Variants in NKAIN2 observed in about 807,000 individuals in gnomAD.
The protein encoded by NKAIN2 is sodium/potassium transporting ATPase interacting 2, also known as sodium/potassium-transporting ATPase subunit beta-1-interacting protein 2.
NKAIN2 carries 14 observed loss-of-function variants against 32.6 expected under a neutral mutation model. The ratio of observed to expected loss-of-function variants is 0.43; its 90% confidence interval spans 0.28 to 0.67. The LOEUF (loss-of-function observed/expected upper bound fraction) is 0.67. NKAIN2 is among the 30% of genes least tolerant of loss of function. The probability of loss-of-function intolerance (pLI) is 0.17; values close to 1 mark genes in which losing one functional copy is unlikely to be tolerated. For synonymous variants in NKAIN2, 80 were observed against 87.2 expected (o/e 0.92, Z 0.46); for missense variants, 198 against 258.3 (o/e 0.77, Z 1.60).
intron 3 of NKAIN2, among the ~76,000 whole-genome samples, chr6:124,638,894 A>AAAG (rs1783881146): frequency 6.7e-6 from 1 of 150,364 alleles, no homozygotes; most frequent in Non-Finnish European, 1.5e-5. Context: ...TGTCAAAAAA[A>AAAG]AAAAAAAAAA....
chr6:124,373,105 TTTGA>T (rs1394458761), intron 3 of NKAIN2, among the ~76,000 whole-genome samples: 1 of 152,162 alleles, frequency 6.6e-6, no homozygotes, highest in East Asian at 1.9e-4. Context: ...TGCTTTTGGC[TTTGA>T]TTGAGAAAGC....
intron 4 of NKAIN2, among the ~76,000 whole-genome samples, chr6:124,706,894 GGTTA>G (rs1418557116): frequency 3.3e-5 from 5 of 151,764 alleles, no homozygotes; most frequent in East Asian, 1.9e-4. Context: ...ACATTGTGCA[GGTTA>G]GTTACATATG....
intron 1 of NKAIN2, among the ~76,000 whole-genome samples, chr6:124,141,127 C>G (rs1318106053): frequency 1.3e-5 from 2 of 152,150 alleles, no homozygotes; most frequent in Non-Finnish European, 2.9e-5. Context: ...CTGGCCCTCC[C>G]CAACCATTTG....
intron 1 of NKAIN2, among the ~76,000 whole-genome samples, chr6:124,092,822 A>G (rs1453842909): frequency 1.3e-5 from 2 of 152,012 alleles, no homozygotes; most frequent in Non-Finnish European, 2.9e-5. Flanking sequence ...GAAAAACATC[A>G]CCTGAATAGG....
chr6:124,460,866 G>A (rs1776504689), intron 3 of NKAIN2, among the ~76,000 whole-genome samples: 1 of 151,010 alleles, frequency 6.6e-6, no homozygotes, highest in Non-Finnish European at 1.5e-5. Context: ...ATATTGCATT[G>A]ATTTGTGTAG....
At chr6:124,609,942 G>A (rs905779840) in intron 3 of NKAIN2, among the ~76,000 whole-genome samples, 1 of 152,004 alleles carries the variant, frequency 6.6e-6, no homozygotes, top group Admixed American at 6.6e-5. Context: ...CCTTAAAAAC[G>A]AGGTTTGATG....
At chr6:124,173,636 C>T (rs1329589170) in intron 1 of NKAIN2, among the ~76,000 whole-genome samples, 1 of 152,052 alleles carries the variant, frequency 6.6e-6, no homozygotes, top group Non-Finnish European at 1.5e-5. Context: ...TAAAATTATA[C>T]TTAAAAACTA....
intron 1 of NKAIN2, among the ~76,000 whole-genome samples, chr6:124,186,254 GAAAAA>G (rs1253018237): frequency 2.0e-5 from 3 of 151,582 alleles, no homozygotes; most frequent in African/African-American, 7.3e-5. Flanking sequence ...AGAAAGAAAA[GAAAAA>G]AGAAAAGAAA....
chr6:124,491,990 G>T (rs1777881913), intron 3 of NKAIN2, among the ~76,000 whole-genome samples: 1 of 151,876 alleles, frequency 6.6e-6, no homozygotes, highest in African/African-American at 2.4e-5. Flanking sequence ...AGTCACAGTG[G>T]CTGAAACCAT....
At chr6:124,582,096 C>T (rs1456770785) in intron 3 of NKAIN2, among the ~76,000 whole-genome samples, 54 of 149,146 alleles carry the variant, frequency 3.6e-4, no homozygotes, top group African/African-American at 1.2e-3. Flanking sequence ...TTTTTTGCGA[C>T]GATAAACAAA....
chr6:123,932,770 C>CT (rs5879707), intron 1 of NKAIN2, among the ~76,000 whole-genome samples: 104,471 of 138,660 alleles, frequency 0.75, 39,445 homozygotes, highest in East Asian at 0.91. Flanking sequence ...CGTTTGGGGA[C>CT]TTTTTTTTTT....
intron 3 of NKAIN2, among the ~76,000 whole-genome samples, chr6:124,436,395 T>C (rs1295926017): frequency 1.3e-5 from 2 of 152,194 alleles, no homozygotes; most frequent in African/African-American, 4.8e-5. Flanking sequence ...TGCTTGTTTT[T>C]CTATCATTAC....
At chr6:124,619,079 C>T (rs1783015069) in intron 3 of NKAIN2, among the ~76,000 whole-genome samples, 1 of 151,882 alleles carries the variant, frequency 6.6e-6, no homozygotes, top group South Asian at 2.1e-4. Context: ...AACATTTCCA[C>T]ATTAATCATC....
chr6:124,777,352 G>C (rs747274839), intron 4 of NKAIN2, among the ~76,000 whole-genome samples: 23 of 152,114 alleles, frequency 1.5e-4, no homozygotes, highest in Non-Finnish European at 2.8e-4. Flanking sequence ...CATGGATTCT[G>C]GAGTCAGTCA....
chr6:124,746,454 T>C (rs1777456136), intron 4 of NKAIN2, among the ~76,000 whole-genome samples: 2 of 151,938 alleles, frequency 1.3e-5, no homozygotes, highest in Admixed American at 6.6e-5. Flanking sequence ...TTGTACCATA[T>C]TGATATAGAA....
chr6:123,972,020 A>G (rs1161804402), intron 1 of NKAIN2, among the ~76,000 whole-genome samples: 4 of 152,116 alleles, frequency 2.6e-5, no homozygotes, highest in Non-Finnish European at 2.9e-5. Flanking sequence ...CCCTTCCCCA[A>G]CCATTCAACA....
chr6:124,786,670 G>A (rs1167783249), intron 4 of NKAIN2, among the ~76,000 whole-genome samples: 1 of 151,822 alleles, frequency 6.6e-6, no homozygotes, highest in Non-Finnish European at 1.5e-5. Flanking sequence ...TTAGATACAT[G>A]AAGGTGAAAA....
intron 1 of NKAIN2, among the ~76,000 whole-genome samples, chr6:124,112,770 T>C (rs991442144): frequency 6.6e-6 from 1 of 152,002 alleles, no homozygotes; most frequent in South Asian, 2.1e-4. Flanking sequence ...TTTTTTTCTC[T>C]TTTTACTCCT....
intron 3 of NKAIN2, among the ~76,000 whole-genome samples, chr6:124,361,860 G>C (rs10484737): frequency 0.21 from 31,369 of 151,990 alleles, 3,320 homozygotes; most frequent in Middle Eastern, 0.29. Context: ...TTCCAACAAT[G>C]TCAGTTTTAT....
Sources: gnomAD v4.1 joint callset for allele counts (sites outside exome capture counted in the v4.1 genomes callset) on GRCh38, gnomAD v4.1.1 for gene constraint, MANE v1.5 for transcripts, NCBI Gene and HGNC (gene_info 2026-07-23, HGNC 2026-07-21) for gene names.